Variants in TBCD observed in about 807,000 individuals in gnomAD.
TBCD encodes tubulin-specific chaperone D.
Under a neutral mutation model 169.3 loss-of-function variants are expected in TBCD, and 105 were observed. That is an observed-to-expected ratio of 0.62 (90% CI 0.53 to 0.73). The LOEUF is 0.73. Ranked by LOEUF, TBCD falls within the 30% of genes least tolerant of loss-of-function variation. The pLI is 0.00. For synonymous variants in TBCD, 700 were observed against 643.9 expected (o/e 1.09, Z -1.32); for missense variants, 1,444 against 1,600.1 (o/e 0.90, Z 1.66).
chr17:82,847,594 C>T (rs1234301298), intron 13 of TBCD, among the ~76,000 whole-genome samples: 1 of 152,096 alleles, frequency 6.6e-6, no homozygotes, highest in Non-Finnish European at 1.5e-5. Context: ...TTTGTCATGC[C>T]AATACCTAAA....
intron 13 of TBCD, chr17:82,830,344 G>A: frequency 6.2e-7 from 1 of 1,613,686 alleles, no homozygotes. Flanking sequence ...TTCCGGGGCC[G>A]CAGCATCCCC....
intron 16 of TBCD, among the ~76,000 whole-genome samples, chr17:82,892,080 G>T (rs1299984783): frequency 6.6e-6 from 1 of 152,004 alleles, no homozygotes; most frequent in East Asian, 1.9e-4. Context: ...AGCTGAGCCC[G>T]CTTTTGTCTG....
At position 82,942,529 on chromosome 17, in the gene TBCD, G is replaced by C; in HGVS notation, c.*66G>C. 1.2e-6 allele frequency: 2 copies of C among 1,610,398 alleles called. No individual in the cohort carries two copies. The highest frequency in any genetic ancestry group is 8.5e-7 in the Non-Finnish European group (1 of 1,177,044). ...GATGTCTTGTTCCTGAGGGAGGCCG[G>C]TGTGGAAAGCCTCGCACAGTGGTGC... On this transcript the variant is annotated 3_prime_UTR_variant, in exon 39 of 39. Coordinates refer to ENST00000355528, the MANE Select transcript of TBCD (RefSeq NM_005993.5).
chr17:82,836,912 G>A (rs1019923877), intron 13 of TBCD, among the ~76,000 whole-genome samples: 3 of 152,164 alleles, frequency 2.0e-5, no homozygotes, highest in Admixed American at 1.3e-4. Flanking sequence ...TCACGTAAGC[G>A]GGTGTGGCAG....
intron 22 of TBCD, among the ~76,000 whole-genome samples, chr17:82,910,602 T>A (rs1382185674): frequency 6.6e-6 from 1 of 152,056 alleles, no homozygotes; most frequent in Non-Finnish European, 1.5e-5. Context: ...AGTCTCACTC[T>A]GTCGCCCAGG....
intron 13 of TBCD, chr17:82,830,451 T>C: frequency 1.2e-6 from 2 of 1,612,446 alleles, no homozygotes; most frequent in African/African-American, 2.7e-5. Flanking sequence ...CCACCGCGCA[T>C]GCGTCTGGAG....
In TBCD at chr17:82,772,510, A is replaced by G. The variant is rs2048358862; in HGVS notation, c.638+3A>G. 6.2e-7 allele frequency: 1 copy of G among 1,613,728 alleles called. No individual in the cohort carries two copies. Among genetic ancestry groups the G allele is most frequent in the Non-Finnish European group, 8.5e-7 (1 of 1,179,860 alleles). On this transcript the variant is annotated splice_donor_region_variant and intron_variant, in intron 6 of 38. Coordinates refer to ENST00000355528, the MANE Select transcript of TBCD (RefSeq NM_005993.5). ...GCAGCTGCTGTCCTTGTGTCCAGGT[A>G]AGTTTCCATGGCACATTTCTTGGTG...
intron 8 of TBCD, among the ~76,000 whole-genome samples, chr17:82,800,028 C>T (rs1401006522): frequency 3.3e-5 from 5 of 151,846 alleles, no homozygotes; most frequent in South Asian, 2.1e-4. Flanking sequence ...CATCCCCCTG[C>T]TCTGTCCCCG....
intron 23 of TBCD, among the ~76,000 whole-genome samples, chr17:82,916,807 G>C (rs886754219): frequency 6.6e-6 from 1 of 151,958 alleles, no homozygotes; most frequent in Non-Finnish European, 1.5e-5. Context: ...GTTCATACTT[G>C]TTCCATAATC....
intron 32 of TBCD, chr17:82,929,819 C>T (rs1284717770): frequency 6.1e-6 from 3 of 495,102 alleles, no homozygotes; most frequent in African/African-American, 5.8e-5. Context: ...CATGTGGGTA[C>T]CTGGGCTCCA....
At chr17:82,781,464 G>A in intron 6 of TBCD, 125 bp from the exon 7 acceptor site, 1 of 1,240,774 alleles carries the variant, frequency 8.1e-7, no homozygotes, top group Non-Finnish European at 1.1e-6. Flanking sequence ...TACAGAGCTG[G>A]CATCTTGGTG....
chr17:82,765,549 G>A (rs576633402), intron 3 of TBCD, among the ~76,000 whole-genome samples: 1 of 152,194 alleles, frequency 6.6e-6, no homozygotes, highest in Non-Finnish European at 1.5e-5. Context: ...GCGCATTTCT[G>A]TTGTCTGGCG....
chr17:82,820,040 G>A (rs4789718), intron 13 of TBCD, among the ~76,000 whole-genome samples: 53,017 of 150,632 alleles, frequency 0.35, 9,761 homozygotes, highest in Middle Eastern at 0.43. Flanking sequence ...GTGCAGTGGC[G>A]CCCTCTTGGC....
intron 12 of TBCD, among the ~76,000 whole-genome samples, chr17:82,812,974 A>G (rs2051565755): frequency 6.6e-6 from 1 of 152,118 alleles, no homozygotes; most frequent in Non-Finnish European, 1.5e-5. Flanking sequence ...GTGCAGCACC[A>G]CACCTGGCTA....
intron 13 of TBCD, among the ~76,000 whole-genome samples, chr17:82,846,316 CAGCG>C (rs2055090041): frequency 6.8e-5 from 10 of 146,112 alleles, no homozygotes; most frequent in Admixed American, 2.0e-4. Flanking sequence ...GTGCTGCGTC[CAGCG>C]TGCCGTGTCC....
At chr17:82,850,167 C>CTGTGCTGCTGTTGGCTGTGCTGCTGTTGG (rs1447128033) in intron 13 of TBCD, among the ~76,000 whole-genome samples, 5 of 18,830 alleles carry the variant, frequency 2.7e-4, no homozygotes, top group South Asian at 1.8e-3. Context: ...GCTGTTGTTG[C>CTGTGCTGCTGTTGGCTGTGCTGCTGTTGG]CTGTGCTGCT....
intron 13 of TBCD, among the ~76,000 whole-genome samples, chr17:82,868,844 T>A (rs1021737646): frequency 4.6e-5 from 7 of 152,162 alleles, no homozygotes; most frequent in Non-Finnish European, 1.0e-4. Context: ...TCTCAGACTG[T>A]GTGTAGTGTT....
At position 82,922,702 on chromosome 17, in the gene TBCD, G is replaced by A. The variant is rs1028389784; in HGVS notation, c.2179-950G>A. On this transcript the variant is annotated intron_variant, in intron 25 of 38. Coordinates refer to ENST00000355528, the MANE Select transcript of TBCD (RefSeq NM_005993.5). The surrounding 1 kb of genome is among the most constrained non-coding windows in gnomAD (Gnocchi z 4.1). Reference sequence around the variant, plus strand: ...GGGATTGGCACAGGTGGTGACTCGTGGAATGCAGCACCCTGTAGACGACGC... The same window carrying A: ...GGGATTGGCACAGGTGGTGACTCGTAGAATGCAGCACCCTGTAGACGACGC... Among the ~76,000 whole-genome samples the A allele has an allele frequency of 1.3e-4, 20 of 152,186 alleles. No homozygotes were observed. The highest frequency in any genetic ancestry group is 1.8e-4 in the Non-Finnish European group (12 of 68,036).
chr17:82,767,995 G>C (rs745370933), intron 4 of TBCD, among the ~76,000 whole-genome samples: 18 of 150,672 alleles, frequency 1.2e-4, no homozygotes, highest in Non-Finnish European at 1.6e-4. Flanking sequence ...TGATCCGCTC[G>C]TCTCGGCCTC....
Sources: gnomAD v4.1 joint callset for allele counts (sites outside exome capture counted in the v4.1 genomes callset) on GRCh38, gnomAD v4.1.1 for gene constraint, Gnocchi (gnomAD v3.1) non-coding constraint, MANE v1.5 for transcripts, NCBI Gene and HGNC (gene_info 2026-07-23, HGNC 2026-07-21) for gene names.